Variants in CNTN5 observed in about 807,000 individuals in gnomAD.
CNTN5 encodes the protein contactin-5.
Under a neutral mutation model 129.1 loss-of-function variants are expected in CNTN5, and 77 were observed. The ratio of observed to expected loss-of-function variants is 0.60; its 90% CI spans 0.50 to 0.72. The LOEUF is 0.72. Ranked by LOEUF, CNTN5 falls within the 30% of genes least tolerant of loss-of-function variation. The pLI is 0.00. For missense variants in CNTN5, 1,478 were observed against 1,328.8 expected, an observed-to-expected ratio of 1.11 and a Z score of -1.75; for synonymous variants, 509 against 465.6, an observed-to-expected ratio of 1.09 and a Z score of -1.20.
intron 13 of CNTN5, among the ~76,000 whole-genome samples, chr11:100,098,025 G>A (rs75955379): frequency 0.091 from 13,875 of 151,934 alleles, 788 homozygotes; most frequent in Admixed American, 0.13. Flanking sequence ...ACCAAGATGA[G>A]CTAGGTAATA....
Position 100,204,297 on chromosome 11 carries a change from A to AATATATATATAT in CNTN5, c.1884+10670_1884+10681dup, listed in dbSNP as rs10633078. 2.6e-3 allele frequency among the ~76,000 whole-genome samples: 45 copies of AATATATATATAT among 17,636 alleles called. 1 individual carries two copies. Among genetic ancestry groups the AATATATATATAT allele is most frequent in the Non-Finnish European group, 3.5e-3 (22 of 6,318 alleles). 11.6% of individuals were successfully genotyped at this position (17,636 alleles called of 152,430 possible). A position where few individuals can be genotyped will look rare whatever the true frequency, so the allele number is the denominator to read the frequency against. ...GCTCACCAAGAAACAAACATTGACT[A>AATATATATATAT]ATATATATATATATATATATATATA... On this transcript the variant is annotated intron_variant, in intron 15 of 24. Coordinates refer to ENST00000524871, the MANE Select transcript of CNTN5 (RefSeq NM_014361.4).
Position 100,229,757 on chromosome 11 carries a change from A to T in CNTN5, c.2005+4945A>T, listed in dbSNP as rs531373126. Among the ~76,000 whole-genome samples, 17 of 152,348 alleles carry T rather than the reference A, an allele frequency of 1.1e-4. No homozygotes were observed. In the East Asian group the frequency reaches 3.3e-3, roughly 29 times the overall value. ...TGTGATCCAATTAGATTCTAAATTG[A>T]TGTAAATGTCTATTTTTAGCATATG... On this transcript the variant is annotated intron_variant, in intron 16 of 24. Coordinates refer to ENST00000524871, the MANE Select transcript of CNTN5 (RefSeq NM_014361.4).
At chr11:99,387,111 T>A (rs1940967340) in intron 2 of CNTN5, among the ~76,000 whole-genome samples, 1 of 152,188 alleles carries the variant, frequency 6.6e-6, no homozygotes, top group Admixed American at 6.5e-5. Flanking sequence ...TCTCTCCTCA[T>A]CTAAGCTCTG....
intron 17 of CNTN5, among the ~76,000 whole-genome samples, chr11:100,263,692 C>T (rs769149062): frequency 7.2e-5 from 11 of 152,102 alleles, no homozygotes; most frequent in Non-Finnish European, 1.2e-4. Context: ...CAGATTTACT[C>T]AAAAATTCTT....
intron 13 of CNTN5, among the ~76,000 whole-genome samples, chr11:100,154,987 G>A (rs1947189733): frequency 1.3e-5 from 2 of 152,076 alleles, no homozygotes; most frequent in South Asian, 4.1e-4. Flanking sequence ...TCACTCTGAT[G>A]ATAGTTTCTT....
intron 2 of CNTN5, among the ~76,000 whole-genome samples, chr11:99,474,140 AG>A (rs1437638380): frequency 2.0e-5 from 3 of 152,106 alleles, no homozygotes; most frequent in African/African-American, 7.2e-5. Context: ...CCTGATTCCA[AG>A]TAATTCAAGT....
chr11:99,378,718 A>G (rs1333142743), intron 2 of CNTN5, among the ~76,000 whole-genome samples: 1 of 152,102 alleles, frequency 6.6e-6, no homozygotes, highest in Admixed American at 6.6e-5. Flanking sequence ...GACTATATGC[A>G]TATGTAGAAA....
At chr11:99,773,399 T>C (rs1945010329) in intron 3 of CNTN5, among the ~76,000 whole-genome samples, 1 of 152,114 alleles carries the variant, frequency 6.6e-6, no homozygotes, top group Admixed American at 6.6e-5. Flanking sequence ...CTTGTTCATA[T>C]TTTTGTGGTT....
At chr11:99,995,603 A>G (rs915356511) in intron 8 of CNTN5, among the ~76,000 whole-genome samples, 6 of 152,014 alleles carry the variant, frequency 3.9e-5, no homozygotes, top group African/African-American at 9.7e-5. Flanking sequence ...CTCATTCCAC[A>G]TACATATGCA....
chr11:100,248,478 C>A (rs990539883), intron 16 of CNTN5, among the ~76,000 whole-genome samples: 1 of 151,804 alleles, frequency 6.6e-6, no homozygotes, highest in Non-Finnish European at 1.5e-5. Flanking sequence ...TCCAGGAGGT[C>A]AAAGCAAGAG....
intron 21 of CNTN5, among the ~76,000 whole-genome samples, chr11:100,325,897 G>A (rs576819311): frequency 6.6e-6 from 1 of 152,320 alleles, no homozygotes; most frequent in East Asian, 1.9e-4. Context: ...ACCTTAGAAA[G>A]AAGGAAATGA....
intron 1 of CNTN5, among the ~76,000 whole-genome samples, chr11:99,190,793 T>C (rs1413330811): frequency 6.6e-6 from 1 of 151,504 alleles, no homozygotes; most frequent in Non-Finnish European, 1.5e-5. Context: ...TTTGGTGGAG[T>C]CTTTAGGGAT....
intron 1 of CNTN5, among the ~76,000 whole-genome samples, chr11:99,189,210 T>C (rs1565388997): frequency 6.6e-6 from 1 of 151,710 alleles, no homozygotes; most frequent in Non-Finnish European, 1.5e-5. Flanking sequence ...CCATAGTGTG[T>C]GTGTGTATAC....
chr11:100,193,353 T>G (rs1015663931), intron 14 of CNTN5, 135 bp from the exon 15 acceptor site: 1 of 529,226 alleles, frequency 1.9e-6, no homozygotes, highest in Admixed American at 3.9e-5. Flanking sequence ...AATAAAGATG[T>G]AAAAAAGCTG....
chr11:100,357,954 G>A lies in CNTN5; in HGVS notation c.*1734G>A, dbSNP rs1442822373. The A allele has an allele frequency of 6.6e-6, 1 of 151,796 alleles. No homozygotes were observed. The highest frequency in any genetic ancestry group is 2.4e-5 in the African/African-American group (1 of 41,382). The allele number at this position is 151,796 out of a possible 1,614,324, so 9.4% of individuals were successfully genotyped here. On this transcript the variant is annotated 3_prime_UTR_variant, in exon 25 of 25. Transcript: ENST00000524871. Reference sequence around the variant, plus strand: ...GATATTATAGTAAATACTACAGATGGTAAGTATTTAAGCCTGTAAGTAAGT... The same window carrying A: ...GATATTATAGTAAATACTACAGATGATAAGTATTTAAGCCTGTAAGTAAGT...
intron 1 of CNTN5, among the ~76,000 whole-genome samples, chr11:99,024,651 C>A (rs1863031193): frequency 6.6e-6 from 1 of 151,958 alleles, no homozygotes; most frequent in Non-Finnish European, 1.5e-5. Flanking sequence ...ACATTATACC[C>A]TCCTCAAACA....
intron 4 of CNTN5, among the ~76,000 whole-genome samples, chr11:99,827,544 A>G (rs1033348173): frequency 2.0e-5 from 3 of 152,104 alleles, no homozygotes; most frequent in African/African-American, 4.8e-5. Context: ...AGACTAGACT[A>G]AATTGTTAGA....
intron 8 of CNTN5, among the ~76,000 whole-genome samples, chr11:99,982,156 C>T (rs1251432121): frequency 6.6e-6 from 1 of 152,148 alleles, no homozygotes; most frequent in Non-Finnish European, 1.5e-5. Flanking sequence ...TAATGAACTT[C>T]AAACGAATGA....
rs544871274 is a variant in CNTN5 at position 99,721,292 on chromosome 11, A to G, written c.56-98252A>G. 2.6e-5 allele frequency among the ~76,000 whole-genome samples: 4 copies of G among 151,994 alleles called. No individual in the cohort carries two copies. The East Asian group carries it at 7.8e-4, about 29-fold the overall frequency. Reference sequence around the variant, plus strand: ...ATGGTAGTGGTGGAAAAACAGGCACATAGAGCAACAGAATAAATAGACCAG... The same window carrying G: ...ATGGTAGTGGTGGAAAAACAGGCACGTAGAGCAACAGAATAAATAGACCAG... On this transcript the variant is annotated intron_variant, in intron 3 of 24. Coordinates refer to ENST00000524871, the MANE Select transcript of CNTN5 (RefSeq NM_014361.4).
Sources: gnomAD v4.1 joint callset for allele counts (sites outside exome capture counted in the v4.1 genomes callset) on GRCh38, gnomAD v4.1.1 for gene constraint, MANE v1.5 for transcripts, NCBI Gene and HGNC (gene_info 2026-07-23, HGNC 2026-07-21) for gene names.